The following CHCHD6 variants were observed in gnomAD, a reference collection of about 807,000 sequenced individuals.
CHCHD6 encodes the protein MICOS complex subunit MIC25.
CHCHD6 carries 28 observed loss-of-function variants against 32.3 expected under a neutral mutation model. The observed-to-expected ratio is 0.87, with a 90% CI of 0.64 to 1.19. CHCHD6 has a LOEUF of 1.19. Among genes scored for constraint, CHCHD6 ranks in the 50% most tolerant of loss-of-function variants. The probability of loss-of-function intolerance (pLI) is 0.00; values close to 1 mark genes in which losing one functional copy is unlikely to be tolerated. For missense variants in CHCHD6, 333 were observed against 307.0 expected, an observed-to-expected ratio of 1.08 and a Z score of -0.63; for synonymous variants, 122 against 117.5, an observed-to-expected ratio of 1.04 and a Z score of -0.25.
At chr3:126,825,444 T>C (rs1197136040) in intron 4 of CHCHD6, among the ~76,000 whole-genome samples, 7 of 152,216 alleles carry the variant, frequency 4.6e-5, no homozygotes, top group African/African-American at 1.7e-4. Context: ...CTTGATTGTG[T>C]CATTCAGATT....
At chr3:126,862,541 T>C (rs1301945480) in intron 5 of CHCHD6, among the ~76,000 whole-genome samples, 4 of 54,162 alleles carry the variant, frequency 7.4e-5, no homozygotes, top group Admixed American at 2.0e-4. Context: ...TCTTCCACCA[T>C]CACCACCTCC....
chr3:126,862,234 TCCATCACCA>T (rs1941932912), intron 5 of CHCHD6, among the ~76,000 whole-genome samples: 1 of 59,100 alleles, frequency 1.7e-5, no homozygotes, highest in African/African-American at 6.5e-5. Flanking sequence ...CTCCTCCTCC[TCCATCACCA>T]CCTCCTCCTC....
At chr3:126,896,878 G>T (rs1576571401) in intron 5 of CHCHD6, among the ~76,000 whole-genome samples, 1 of 152,156 alleles carries the variant, frequency 6.6e-6, no homozygotes, top group Non-Finnish European at 1.5e-5. Context: ...GTGGAGGTGG[G>T]CCCTCACCTC....
At chr3:126,876,059 A>C (rs909108171) in intron 5 of CHCHD6, among the ~76,000 whole-genome samples, 1 of 152,262 alleles carries the variant, frequency 6.6e-6, no homozygotes, top group African/African-American at 2.4e-5. Context: ...GTTGGATATT[A>C]GCCAGTGACT....
At chr3:126,741,875 AG>A (rs1936300591) in intron 4 of CHCHD6, among the ~76,000 whole-genome samples, 1 of 152,188 alleles carries the variant, frequency 6.6e-6, no homozygotes, top group Non-Finnish European at 1.5e-5. Flanking sequence ...TCCTCAGGCC[AG>A]GAGGCTGTAC....
intron 4 of CHCHD6, among the ~76,000 whole-genome samples, chr3:126,838,885 T>C (rs892744045): frequency 6.6e-6 from 1 of 151,618 alleles, no homozygotes; most frequent in Non-Finnish European, 1.5e-5. Context: ...TTATTCCTTC[T>C]TTTTTCCTTT....
chr3:126,749,288 C>T lies in CHCHD6; in HGVS notation c.411+16066C>T, dbSNP rs140722390. Among the ~76,000 whole-genome samples the T allele has an allele frequency of 1.2e-3, 186 of 152,234 alleles. No individual in the cohort carries two copies. The East Asian group carries it at 0.016, about 13-fold the overall frequency. On this transcript the variant is annotated intron_variant, in intron 4 of 7. Transcript: ENST00000290913. ...GAGGCAGGGGAATCAACAGGACTCC[C>T]AAGGGCCCTTCAGAGAGATCATGGT...
At chr3:126,854,064 A>T (rs1397778320) in intron 5 of CHCHD6, among the ~76,000 whole-genome samples, 2 of 152,180 alleles carry the variant, frequency 1.3e-5, no homozygotes, top group African/African-American at 4.8e-5. Context: ...AGAGCCTCGC[A>T]GCATTTTTGC....
chr3:126,774,477 C>T (rs998407032), intron 4 of CHCHD6, among the ~76,000 whole-genome samples: 17 of 152,164 alleles, frequency 1.1e-4, no homozygotes, highest in African/African-American at 3.9e-4. Context: ...ATGTGTAGTT[C>T]CATGTCACTT....
intron 5 of CHCHD6, among the ~76,000 whole-genome samples, chr3:126,891,646 G>A (rs1276575377): frequency 1.3e-5 from 2 of 152,180 alleles, no homozygotes; most frequent in Non-Finnish European, 2.9e-5. Flanking sequence ...GGAGGTGGCT[G>A]TTTAGCCATC....
chr3:126,825,588 A>G (rs1373244873), intron 4 of CHCHD6, among the ~76,000 whole-genome samples: 2 of 152,226 alleles, frequency 1.3e-5, no homozygotes, highest in African/African-American at 4.8e-5. Flanking sequence ...TATTAGATGT[A>G]TATAAATCTG....
intron 4 of CHCHD6, among the ~76,000 whole-genome samples, chr3:126,751,921 C>T (rs143721998): frequency 6.6e-6 from 1 of 152,320 alleles, no homozygotes; most frequent in Admixed American, 6.5e-5. Context: ...ACCAGTTATG[C>T]CCCTCCAAAG....
chr3:126,831,119 G>A (rs1219527436), intron 4 of CHCHD6, among the ~76,000 whole-genome samples: 1 of 152,014 alleles, frequency 6.6e-6, no homozygotes, highest in Non-Finnish European at 1.5e-5. Flanking sequence ...CACCTCCCGG[G>A]TTCACGCCAT....
chr3:126,792,612 G>A (rs1174410635), intron 4 of CHCHD6, among the ~76,000 whole-genome samples: 1 of 152,072 alleles, frequency 6.6e-6, no homozygotes, highest in African/African-American at 2.4e-5. Flanking sequence ...TTTGTGGTCA[G>A]ATAACATATT....
intron 6 of CHCHD6, chr3:126,935,105 G>C: frequency 1.0e-6 from 1 of 987,240 alleles, no homozygotes; most frequent in Non-Finnish European, 1.2e-6. Context: ...GGGTTTACTT[G>C]TGAGCACGAA....
chr3:126,739,704 G>C (rs1177384994), intron 4 of CHCHD6, among the ~76,000 whole-genome samples: 1 of 152,084 alleles, frequency 6.6e-6, no homozygotes, highest in African/African-American at 2.4e-5. Context: ...TTTAATTCCT[G>C]GTTCTTTTTT....
chr3:126,717,950 C>G (rs1935097074), intron 1 of CHCHD6, among the ~76,000 whole-genome samples: 1 of 152,120 alleles, frequency 6.6e-6, no homozygotes, highest in South Asian at 2.1e-4. Context: ...TCCTGGACTT[C>G]ACTTTGTCAT....
At chr3:126,801,525 G>A (rs1939070270) in intron 4 of CHCHD6, among the ~76,000 whole-genome samples, 1 of 152,220 alleles carries the variant, frequency 6.6e-6, no homozygotes, top group Non-Finnish European at 1.5e-5. Context: ...ACCCGACATT[G>A]CCCAGGCTTG....
At chr3:126,831,904 G>A (rs957058309) in intron 4 of CHCHD6, among the ~76,000 whole-genome samples, 3 of 152,190 alleles carry the variant, frequency 2.0e-5, no homozygotes, top group African/African-American at 4.8e-5. Context: ...GAGTGCGAGG[G>A]GCTAACTCAG....
Sources: gnomAD v4.1 joint callset for allele counts (sites outside exome capture counted in the v4.1 genomes callset) on GRCh38, gnomAD v4.1.1 for gene constraint, MANE v1.5 for transcripts, NCBI Gene and HGNC (gene_info 2026-07-23, HGNC 2026-07-21) for gene names.